Variants in PHYHIPL observed in about 807,000 individuals in gnomAD.
PHYHIPL encodes the protein phytanoyl-CoA hydroxylase-interacting protein-like.
PHYHIPL carries 9 observed loss-of-function variants against 33.4 expected under a neutral mutation model. The observed-to-expected ratio is 0.27, with a 90% CI of 0.16 to 0.47. The LOEUF (loss-of-function observed/expected upper bound fraction) is 0.47. Among genes scored for constraint, PHYHIPL ranks in the 20% least tolerant of loss-of-function variants. The probability of loss-of-function intolerance (pLI) is 0.99; values close to 1 mark genes in which losing one functional copy is unlikely to be tolerated. For missense variants in PHYHIPL, 365 were observed against 460.7 expected (o/e 0.79, Z 1.90); for synonymous variants, 153 against 154.1 (o/e 0.99, Z 0.05).
intron 1 of PHYHIPL, among the ~76,000 whole-genome samples, chr10:59,181,290 T>G (rs1176092284): frequency 3.3e-5 from 5 of 152,180 alleles, no homozygotes; most frequent in Non-Finnish European, 5.9e-5. Flanking sequence ...TCTAGGTCCT[T>G]GTCGTTTTTC....
At chr10:59,218,564 C>T (rs541971545) in intron 1 of PHYHIPL, among the ~76,000 whole-genome samples, 107 of 152,206 alleles carry the variant, frequency 7.0e-4, no homozygotes, top group Non-Finnish European at 1.3e-3. Context: ...GAAGAGCTAT[C>T]TGTAGACCCC....
At chr10:59,212,643 G>C (rs1483525653) in intron 1 of PHYHIPL, among the ~76,000 whole-genome samples, 2 of 152,164 alleles carry the variant, frequency 1.3e-5, no homozygotes, top group Non-Finnish European at 2.9e-5. Context: ...CAACCACTCA[G>C]CAGCACCAGC....
At chr10:59,221,694 A>G in intron 1 of PHYHIPL, 1 of 984,660 alleles carries the variant, frequency 1.0e-6, no homozygotes, top group East Asian at 1.1e-4. Flanking sequence ...TGTATTGTGA[A>G]GGATTAGCAC....
chr10:59,175,200 G>A (rs1166923495), upstream of PHYHIPL, among the ~76,000 whole-genome samples: 1 of 152,090 alleles, frequency 6.6e-6, no homozygotes, highest in Non-Finnish European at 1.5e-5. Context: ...CCTACCTTAA[G>A]ACAAGAATTC....
intron 1 of PHYHIPL, among the ~76,000 whole-genome samples, chr10:59,199,332 GT>G (rs1226583558): frequency 1.3e-5 from 2 of 152,112 alleles, no homozygotes; most frequent in South Asian, 4.1e-4. Context: ...CCCATTTCTT[GT>G]TTTTGTCAGG....
chr10:59,242,256 G>C (rs982034933), intron 4 of PHYHIPL, among the ~76,000 whole-genome samples: 2 of 152,128 alleles, frequency 1.3e-5, no homozygotes, highest in Non-Finnish European at 2.9e-5. Flanking sequence ...CTCTGATCTA[G>C]AGTATGTTAG....
At position 59,234,259 on chromosome 10, in the gene PHYHIPL, A is replaced by C. The variant is rs371220450; in HGVS notation, c.107-45A>C. The C allele has an allele frequency of 2.8e-5, 41 of 1,443,144 alleles. No homozygotes were observed. The Middle Eastern group carries it at 5.3e-4, about 19-fold the overall frequency. 89.4% of individuals were successfully genotyped at this position (1,443,144 alleles called of 1,614,324 possible). A position where few individuals can be genotyped will look rare whatever the true frequency, so the allele number is the denominator to read the frequency against. On this transcript the variant is annotated intron_variant, in intron 1 of 4. Transcript: ENST00000373880. ...CCATTAATTGGAAATAAATTGGAAA[A>C]TCCATTAATTGGAAATTAACTTCCT...
At chr10:59,180,330 A>ATATATATATAGAAAAAG (rs1554854150) in intron 1 of PHYHIPL, among the ~76,000 whole-genome samples, 14 of 58,868 alleles carry the variant, frequency 2.4e-4, no homozygotes, top group African/African-American at 5.5e-4. Flanking sequence ...ATATATATAT[A>ATATATATATAGAAAAAG]TATATATATA....
rs1448318829 is a variant in PHYHIPL at position 59,246,140 on chromosome 10, G to C, written c.*549G>C. On this transcript the variant is annotated 3_prime_UTR_variant, in exon 5 of 5. Coordinates refer to ENST00000373880, the MANE Select transcript of PHYHIPL (RefSeq NM_032439.4). The stretch of plus-strand genomic sequence containing the variant: ...GTGTTTCAACATAATAAATATAATA[G>C]AAAAATATTTTATTTGTATTGTTGT... The C allele has an allele frequency of 6.6e-6, 1 of 152,506 alleles. No homozygotes were observed. The highest frequency in any genetic ancestry group is 1.5e-5 in the Non-Finnish European group (1 of 68,056). The allele number at this position is 152,506 out of a possible 1,614,324, so 9.4% of individuals were successfully genotyped here.
intron 4 of PHYHIPL, among the ~76,000 whole-genome samples, chr10:59,239,043 T>C: frequency 6.6e-6 from 1 of 151,966 alleles, no homozygotes; most frequent in Admixed American, 6.6e-5. Context: ...CCTCTTTTCA[T>C]GGGTCTTTTT....
intron 1 of PHYHIPL, among the ~76,000 whole-genome samples, chr10:59,210,942 A>G (rs1839422588): frequency 1.3e-5 from 2 of 152,100 alleles, no homozygotes; most frequent in Non-Finnish European, 2.9e-5. Flanking sequence ...GGGTGCTAGG[A>G]GAGGGATAGC....
chr10:59,186,143 T>C (rs903885252), intron 1 of PHYHIPL, among the ~76,000 whole-genome samples: 2 of 152,206 alleles, frequency 1.3e-5, no homozygotes, highest in African/African-American at 4.8e-5. Flanking sequence ...AATTTTTGTA[T>C]AAGGTGTAAG....
intron 1 of PHYHIPL, among the ~76,000 whole-genome samples, chr10:59,207,666 C>T (rs533419787): frequency 2.6e-5 from 4 of 152,210 alleles, no homozygotes; most frequent in African/African-American, 7.2e-5. Flanking sequence ...CCAAGGCCAG[C>T]GGATCATGAG....
rs1419063098 is a variant in PHYHIPL, at chr10:59,245,458, T to C, written c.998T>C (p.Ile333Thr). 1.9e-6 allele frequency: 3 copies of C among 1,614,140 alleles called. No individual in the cohort carries two copies. Among genetic ancestry groups the C allele is most frequent in the East Asian group, 2.2e-5 (1 of 44,870 alleles). ...HHAQDVILEV[I>T]YTDPVDLSVG... ...GCCCAGGATGTCATTTTAGAAGTCA[T>C]TTACACTGACCCTGTGGATCTTTCT... Residue 333 changes from isoleucine (I) to threonine (T), a missense_variant, in exon 5 of 5, where the codon ATT (isoleucine) becomes ACT (threonine). Physicochemically the swap from Ile to Thr is moderately conservative, Grantham distance 89. Around this residue, in one of 4 missense-constraint regions of PHYHIPL, gnomAD observed 196 missense variants for 224.9 expected, o/e 0.87. Coordinates refer to ENST00000373880, the MANE Select transcript of PHYHIPL (RefSeq NM_032439.4).
At chr10:59,228,241 A>C (rs1024879596) in intron 1 of PHYHIPL, among the ~76,000 whole-genome samples, 14 of 152,128 alleles carry the variant, frequency 9.2e-5, no homozygotes, top group African/African-American at 3.4e-4. Context: ...AAAGATTGCA[A>C]TTATATGTAG....
intron 4 of PHYHIPL, among the ~76,000 whole-genome samples, chr10:59,242,359 A>ACTT (rs1367332908): frequency 6.6e-6 from 1 of 152,128 alleles, no homozygotes; most frequent in Non-Finnish European, 1.5e-5. Flanking sequence ...GGAAACCTGG[A>ACTT]CTTTTAGCCC....
chr10:59,205,502 C>T (rs1190045220), intron 1 of PHYHIPL, among the ~76,000 whole-genome samples: 1 of 152,130 alleles, frequency 6.6e-6, no homozygotes, highest in African/African-American at 2.4e-5. Context: ...TTTGTGAACT[C>T]ATCATGTAAA....
At chr10:59,177,670 G>T in intron 1 of PHYHIPL, 1 of 1,540,822 alleles carries the variant, frequency 6.5e-7, no homozygotes, top group Non-Finnish European at 8.8e-7. Context: ...TGTTGAAGTT[G>T]GCAGGCTCCT....
intron 1 of PHYHIPL, among the ~76,000 whole-genome samples, chr10:59,216,404 T>A (rs989865032): frequency 2.0e-5 from 3 of 152,108 alleles, no homozygotes. Context: ...GCTTCAAAGA[T>A]AAGAACATTC....
Sources: gnomAD v4.1 joint callset for allele counts (sites outside exome capture counted in the v4.1 genomes callset) on GRCh38, gnomAD v4.1.1 for gene constraint, gnomAD v4.1.1 regional missense constraint, MANE v1.5 for transcripts, NCBI Gene and HGNC (gene_info 2026-07-23, HGNC 2026-07-21) for gene names.